DAGLA: variants seen among roughly 807,000 people sequenced by gnomAD.
DAGLA encodes the protein diacylglycerol lipase alpha, also known as diacylglycerol lipase-alpha.
DAGLA carries 22 observed loss-of-function variants against 102.6 expected under a neutral mutation model. The ratio of observed to expected loss-of-function variants is 0.21; its 90% confidence interval spans 0.15 to 0.31. The LOEUF is 0.31. Ranked by LOEUF, DAGLA falls within the 10% of genes least tolerant of loss-of-function variation. The pLI, the probability that DAGLA is intolerant of heterozygous loss-of-function variation, is 1.00. For missense variants in DAGLA, 927 were observed against 1,446.6 expected, an observed-to-expected ratio of 0.64 and a Z score of 5.83; for synonymous variants, 578 against 628.9, an observed-to-expected ratio of 0.92 and a Z score of 1.21.
chr11:61,716,809 C>G (rs1021819271), intron 1 of DAGLA, among the ~76,000 whole-genome samples: 4 of 152,208 alleles, frequency 2.6e-5, no homozygotes, highest in Non-Finnish European at 4.4e-5. Context: ...ATGGTTAGTA[C>G]TTAGTCCAGG....
At chr11:61,739,352 A>T in intron 16 of DAGLA, 113 bp from the exon 17 acceptor site, 1 of 1,082,962 alleles carries the variant, frequency 9.2e-7, no homozygotes, top group Non-Finnish European at 1.3e-6. Context: ...CCCCTTTGCC[A>T]TCTTACTGCC....
Position 61,744,378 on chromosome 11 carries a change from G to C in DAGLA, c.3018G>C (p.Thr1006=). Residue 1006 remains threonine (T), a synonymous_variant, in exon 20 of 20, where the codon ACG becomes ACC. Coordinates refer to ENST00000257215, the MANE Select transcript of DAGLA (RefSeq NM_006133.3). ...GTGAGCTCATGGACCTGACGCCCACGGGCCTCAGTAGCCAGGAATGCCTGG... is the reference window on the plus strand; with the variant it reads ...GTGAGCTCATGGACCTGACGCCCACCGGCCTCAGTAGCCAGGAATGCCTGG... ...SSGELMDLTP[T]GLSSQECLAA... 1 of 1,611,724 alleles carries C rather than the reference G, an allele frequency of 6.2e-7. No homozygotes were observed. The highest frequency in any genetic ancestry group is 8.5e-7 in the Non-Finnish European group (1 of 1,179,120).
chr11:61,701,282 C>G (rs1353644829), intron 1 of DAGLA, among the ~76,000 whole-genome samples: 3 of 152,236 alleles, frequency 2.0e-5, no homozygotes, highest in Admixed American at 2.0e-4. Flanking sequence ...ATGTGTCCTA[C>G]CAAGGCCCCA....
chr11:61,717,765 T>C (rs2065247781), intron 1 of DAGLA, among the ~76,000 whole-genome samples: 1 of 152,130 alleles, frequency 6.6e-6, no homozygotes, highest in Admixed American at 6.5e-5. Flanking sequence ...GAGCCCCGCC[T>C]CATACTCTAG....
intron 1 of DAGLA, among the ~76,000 whole-genome samples, chr11:61,718,564 G>A (rs2135578639): frequency 6.6e-6 from 1 of 152,082 alleles, no homozygotes; most frequent in Middle Eastern, 3.4e-3. Flanking sequence ...AGGCACTGCT[G>A]ACGCCCCGGA....
At chr11:61,742,969 A>T (rs988535226) in intron 19 of DAGLA, among the ~76,000 whole-genome samples, 1 of 152,110 alleles carries the variant, frequency 6.6e-6, no homozygotes, top group African/African-American at 2.4e-5. Context: ...CTGAAGTCCT[A>T]GTGCTGCCAG....
intron 1 of DAGLA, among the ~76,000 whole-genome samples, chr11:61,715,403 C>G (rs530292406): frequency 5.3e-5 from 8 of 152,300 alleles, no homozygotes; most frequent in Admixed American, 5.2e-4. Context: ...CGTGGGGGTT[C>G]CCAAGCTCAT....
intron 6 of DAGLA, among the ~76,000 whole-genome samples, chr11:61,726,509 T>G (rs2065328450): frequency 1.3e-5 from 2 of 151,510 alleles, no homozygotes; most frequent in African/African-American, 2.4e-5. Flanking sequence ...CTCAGAGGAG[T>G]GACCAGAGGG....
Position 61,743,922 on chromosome 11 carries a change from G to A in DAGLA, c.2562G>A (p.Gln854=), listed in dbSNP as rs1220895819. The A allele has an allele frequency of 1.2e-6, 2 of 1,612,118 alleles. No individual in the cohort carries two copies. Among genetic ancestry groups the A allele is most frequent in the South Asian group, 1.1e-5 (1 of 91,056 alleles). Residue 854 remains glutamine, a synonymous_variant, in exon 20 of 20, where the codon CAG becomes CAA. Transcript: ENST00000257215. ...DSLSKHSQDT[Q]PLEAALGSGG... ...TGTCCAAGCACTCACAGGACACGCAGCCCCTGGAGGCGGCCCTGGGCAGTG... is the reference window on the plus strand; with the variant it reads ...TGTCCAAGCACTCACAGGACACGCAACCCCTGGAGGCGGCCCTGGGCAGTG...
chr11:61,743,918 C>T lies in DAGLA; in HGVS notation c.2558C>T (p.Thr853Met), dbSNP rs376194108. 19 of 1,612,208 alleles carry T rather than the reference C, an allele frequency of 1.2e-5. No homozygotes were observed. The highest frequency in any genetic ancestry group is 1.7e-5 in the Admixed American group (1 of 60,024). Residue 853 changes from threonine to methionine, a missense_variant, in exon 20 of 20, where the codon ACG becomes ATG. By Grantham distance (81) the Thr-to-Met change is moderately conservative. Around this residue, in one of 4 missense-constraint regions of DAGLA, gnomAD observed 434 missense variants for 503.3 expected, o/e 0.86. Transcript: ENST00000257215. ...ADSLSKHSQD[T>M]QPLEAALGSG... ...AGCCTGTCCAAGCACTCACAGGACA[C>T]GCAGCCCCTGGAGGCGGCCCTGGGC...
Position 61,737,563 on chromosome 11 carries a change from C to G in DAGLA, c.1515-124C>G, listed in dbSNP as rs147230739. On this transcript the variant is annotated intron_variant, in intron 14 of 19. Transcript: ENST00000257215. Reference sequence around the variant, plus strand: ...AGCAGGCAACCCAGCCTGCCACCAGCCAGCTCCCCGGGAGCCATCCCAGGA... The same window carrying G: ...AGCAGGCAACCCAGCCTGCCACCAGGCAGCTCCCCGGGAGCCATCCCAGGA... 166 of 1,102,604 alleles carry G rather than the reference C, an allele frequency of 1.5e-4. 3 individuals are homozygous for G. The East Asian group carries it at 3.8e-3, about 26-fold the overall frequency. 68.3% of individuals were successfully genotyped at this position (1,102,604 alleles called of 1,614,324 possible). A position where few individuals can be genotyped will look rare whatever the true frequency, so the allele number is the denominator to read the frequency against.
intron 8 of DAGLA, 30 bp from the exon 9 acceptor site, chr11:61,731,287 G>A: frequency 6.2e-7 from 1 of 1,611,724 alleles, no homozygotes; most frequent in Non-Finnish European, 8.5e-7. Flanking sequence ...AAGGGCAGGA[G>A]GTGACCGCCC....
At chr11:61,723,995 G>A (rs184663626) in intron 5 of DAGLA, among the ~76,000 whole-genome samples, 205 of 152,328 alleles carry the variant, frequency 1.3e-3, no homozygotes, top group Non-Finnish European at 2.5e-3. Context: ...CTGAGGTACA[G>A]AGAGATGATG....
intron 1 of DAGLA, among the ~76,000 whole-genome samples, chr11:61,700,104 G>A (rs569310684): frequency 7.2e-4 from 109 of 152,336 alleles, no homozygotes; most frequent in African/African-American, 2.4e-3. Flanking sequence ...CATGCCTGGC[G>A]TGCCAGGGCA....
rs190674427 is a variant in DAGLA at position 61,744,056 on chromosome 11, A to T, written c.2696A>T (p.Asn899Ile). 6.2e-7 allele frequency: 1 copy of T among 1,612,722 alleles called. No individual in the cohort carries two copies. The highest frequency in any genetic ancestry group is 2.2e-5 in the East Asian group (1 of 44,864). The change falls in exon 20 of 20, where the codon AAT becomes ATT. Residue 899 changes from asparagine (N) to isoleucine (I), a missense_variant. By Grantham distance (149) the Asn-to-Ile change is moderately radical. Coordinates refer to ENST00000257215, the MANE Select transcript of DAGLA (RefSeq NM_006133.3). ...PASRGELALH[N>I]GRLGDSPSPQ... ...TCCCGCGGGGAGCTGGCGCTGCACA[A>T]TGGGCGCCTGGGGGACTCGCCCAGT... is the stretch of plus-strand genomic sequence containing the variant.
chr11:61,725,375 G>A (rs1340203065), intron 5 of DAGLA, among the ~76,000 whole-genome samples: 1 of 152,174 alleles, frequency 6.6e-6, no homozygotes, highest in Non-Finnish European at 1.5e-5. Context: ...GAATAGACAA[G>A]GGCAACCATG....
At chr11:61,717,238 G>T (rs1378715167) in intron 1 of DAGLA, among the ~76,000 whole-genome samples, 2 of 152,162 alleles carry the variant, frequency 1.3e-5, no homozygotes, top group African/African-American at 2.4e-5. Context: ...GGCCCTTATT[G>T]TGATGGGCCG....
intron 1 of DAGLA, among the ~76,000 whole-genome samples, chr11:61,708,750 C>T (rs924633801): frequency 4.6e-5 from 7 of 152,214 alleles, no homozygotes; most frequent in Non-Finnish European, 7.3e-5. Flanking sequence ...CTGTCATCAT[C>T]CTCATCCTAT....
chr11:61,703,604 G>A (rs1565250357), intron 1 of DAGLA, among the ~76,000 whole-genome samples: 1 of 152,218 alleles, frequency 6.6e-6, no homozygotes, highest in Non-Finnish European at 1.5e-5. Context: ...AACGTAAGAG[G>A]GAGAGGGCTT....
Sources: gnomAD v4.1 joint callset for allele counts (sites outside exome capture counted in the v4.1 genomes callset) on GRCh38, gnomAD v4.1.1 for gene constraint, gnomAD v4.1.1 regional missense constraint, MANE v1.5 for transcripts, NCBI Gene and HGNC (gene_info 2026-07-23, HGNC 2026-07-21) for gene names.